The following AXIN2 variants were observed in gnomAD, a reference collection of about 807,000 sequenced individuals.
AXIN2 encodes the protein axin 2.
AXIN2 carries 21 observed loss-of-function variants against 74.7 expected under a neutral mutation model. That is an observed-to-expected ratio of 0.28 (90% confidence interval 0.20 to 0.40). The LOEUF (loss-of-function observed/expected upper bound fraction) is 0.40, where lower values mean the gene tolerates loss of function less well. Among genes scored for constraint, AXIN2 ranks in the 10% least tolerant of loss-of-function variants. The probability of loss-of-function intolerance (pLI) is 1.00; values close to 1 mark genes in which losing one functional copy is unlikely to be tolerated. For missense variants in AXIN2, 1,144 were observed against 1,111.1 expected (o/e 1.03, Z -0.42); for synonymous variants, 532 against 454.9 (o/e 1.17, Z -2.16).
rs1213236575 is a variant in AXIN2, at chr17:65,535,566, G to A, written c.2237+60C>T. On this transcript the variant is annotated intron_variant, in intron 9 of 10. Coordinates refer to ENST00000307078, the MANE Select transcript of AXIN2 (RefSeq NM_004655.4). ...TCATGAAAATGAAACTCCAGATAGC[G>A]AATATTCTGAAACATAAAGCACTCG... 22 of 1,519,428 alleles carry A rather than the reference G, an allele frequency of 1.4e-5. No individual in the cohort carries two copies. In the East Asian group the frequency reaches 1.6e-4, roughly 11 times the overall value. 94.1% of individuals were successfully genotyped at this position (1,519,428 alleles called of 1,614,324 possible).
At chr17:65,533,524 T>C (rs2043858035) in intron 10 of AXIN2, among the ~76,000 whole-genome samples, 1 of 152,192 alleles carries the variant, frequency 6.6e-6, no homozygotes, top group African/African-American at 2.4e-5. Flanking sequence ...TCAGTGTGCC[T>C]GTCCCTCTTT....
chr17:65,537,938 GTGTGCA>G, intron 5 of AXIN2, 103 bp from the exon 6 acceptor site: 1 of 1,445,748 alleles, frequency 6.9e-7, no homozygotes, highest in Non-Finnish European at 9.3e-7. Flanking sequence ...ACGCACACCC[GTGTGCA>G]CGCCCACAGC....
intron 7 of AXIN2, 97 bp from the exon 8 acceptor site, chr17:65,536,650 A>G: frequency 1.4e-6 from 2 of 1,434,256 alleles, no homozygotes; most frequent in Non-Finnish European, 1.9e-6. Context: ...TATTCTGCTC[A>G]GAGAGAGAGT....
chr17:65,551,716 G>A (rs1007487617), intron 2 of AXIN2, among the ~76,000 whole-genome samples: 4 of 152,156 alleles, frequency 2.6e-5, no homozygotes, highest in Non-Finnish European at 4.4e-5. Flanking sequence ...AAAAGTTACA[G>A]GGCCATAAAC....
rs2043785326 is a variant in AXIN2 at position 65,529,774 on chromosome 17, T to C, written c.*202A>G. On this transcript the variant is annotated 3_prime_UTR_variant, in exon 11 of 11. Coordinates refer to ENST00000307078, the MANE Select transcript of AXIN2 (RefSeq NM_004655.4). ...TAATAAATAGTTCAGGCTTTTCTTA[T>C]CTCAGTCAGTACCCAGCTCATGAAT... is the stretch of plus-strand genomic sequence containing the variant. 2 of 736,352 alleles carry C rather than the reference T, an allele frequency of 2.7e-6. No homozygotes were observed. Among genetic ancestry groups the C allele is most frequent in the African/African-American group, 1.8e-5 (1 of 56,416 alleles). 45.6% of individuals were successfully genotyped at this position (736,352 alleles called of 1,614,324 possible). A position where few individuals can be genotyped will look rare whatever the true frequency, so the allele number is the denominator to read the frequency against.
chr17:65,552,394 G>C (rs2044206288), intron 2 of AXIN2, among the ~76,000 whole-genome samples: 1 of 152,230 alleles, frequency 6.6e-6, no homozygotes, highest in Non-Finnish European at 1.5e-5. Flanking sequence ...CAGCCATCTG[G>C]GTGCGTAAGT....
intron 1 of AXIN2, chr17:65,560,542 CG>C: frequency 6.6e-6 from 1 of 152,274 alleles, no homozygotes; most frequent in Non-Finnish European, 1.5e-5. Flanking sequence ...ACGCGACCCC[CG>C]GGGGGTATCT....
rs1555577745 is a variant in AXIN2 at position 65,537,524 on chromosome 17, G to A, written c.1512C>T (p.Gly504=). 6.2e-7 allele frequency: 1 copy of A among 1,613,760 alleles called. No homozygotes were observed. Among genetic ancestry groups the A allele is most frequent in the Non-Finnish European group, 8.5e-7 (1 of 1,179,988 alleles). ...GCTTCGTCGTCTGCTTGGTCACAAA[G>A]CCTTTGCCCCCGAGGAGGGGGCAGG... ...PGACPLLGGK[G]FVTKQTTKHV... The change falls in exon 6 of 11, where the codon GGC becomes GGT. Residue 504 remains glycine (G), a synonymous_variant. Transcript: ENST00000307078.
At chr17:65,551,058 A>G (rs1045625954) in intron 2 of AXIN2, among the ~76,000 whole-genome samples, 1 of 152,216 alleles carries the variant, frequency 6.6e-6, no homozygotes, top group Non-Finnish European at 1.5e-5. Flanking sequence ...ACTGCCTCCC[A>G]ATACAAAGAC....
At chr17:65,538,046 C>G in intron 5 of AXIN2, 157 bp downstream of exon 5, 3 of 1,422,636 alleles carry the variant, frequency 2.1e-6, no homozygotes, top group African/African-American at 1.4e-5. Context: ...CATGCGCACA[C>G]AGCCCACGCC....
In AXIN2 at chr17:65,536,400, G is replaced by C; in HGVS notation, c.2061C>G (p.Pro687=). ...GAGCCAGCGTGTTGGGTGGGGTCAG[G>C]GGAGGCATCGCAGGGTCCTGGGTGA... ...HLFTQDPAMP[P]LTPPNTLAQL... is the part of the protein sequence containing the mutation. The change falls in exon 8 of 11, where the codon CCC becomes CCG. Residue 687 remains proline, a synonymous_variant. Transcript: ENST00000307078. 2.5e-6 allele frequency: 4 copies of C among 1,613,852 alleles called. No individual in the cohort carries two copies. Among genetic ancestry groups the C allele is most frequent in the Non-Finnish European group, 3.4e-6 (4 of 1,180,022 alleles).
chr17:65,546,377 C>T (rs2044119033), intron 3 of AXIN2, among the ~76,000 whole-genome samples: 2 of 152,192 alleles, frequency 1.3e-5, no homozygotes, highest in African/African-American at 4.8e-5. Context: ...GGTCTGATCC[C>T]AGCCCTGGGA....
intron 5 of AXIN2, 113 bp from the exon 6 acceptor site, chr17:65,537,948 C>G: frequency 4.2e-6 from 6 of 1,422,624 alleles, no homozygotes; most frequent in Non-Finnish European, 5.7e-6. Context: ...GTGTGCACGC[C>G]CACAGCCACG....
chr17:65,544,032 CAGT>C (rs2044081054), intron 3 of AXIN2, among the ~76,000 whole-genome samples: 1 of 152,106 alleles, frequency 6.6e-6, no homozygotes, highest in Non-Finnish European at 1.5e-5. Context: ...GGGACTTAGA[CAGT>C]GGATGACTCT....
rs1057522718 is a variant in AXIN2 at position 65,536,960 on chromosome 17, G to A, written c.1816C>T (p.Leu606=). ...TCTCCTTCCTCCCGGGGAAGCTGCA[G>A]GGCCCCAGCTCCGCCGGGGGCCCCT... is the stretch of plus-strand genomic sequence containing the variant. ...EGGAPGGAGA[L]QLPREEGDRS... Residue 606 remains leucine, a synonymous_variant, in exon 7 of 11, where the codon CTG becomes TTG. Coordinates refer to ENST00000307078, the MANE Select transcript of AXIN2 (RefSeq NM_004655.4). The A allele has an allele frequency of 6.2e-7, 1 of 1,613,430 alleles. No homozygotes were observed. Among genetic ancestry groups the A allele is most frequent in the African/African-American group, 1.3e-5 (1 of 75,042 alleles).
intron 2 of AXIN2, among the ~76,000 whole-genome samples, chr17:65,556,199 T>C (rs1473534961): frequency 6.6e-6 from 1 of 152,100 alleles, no homozygotes; most frequent in African/African-American, 2.4e-5. Flanking sequence ...CACTGTGCTA[T>C]TTACGAAGGT....
At chr17:65,538,098 A>ACGCGCATGCGCATGCAG in intron 5 of AXIN2, 105 bp downstream of exon 5, 1 of 1,565,728 alleles carries the variant, frequency 6.4e-7, no homozygotes, top group Non-Finnish European at 8.7e-7. Context: ...TGCGCATGCA[A>ACGCGCATGCGCATGCAG]CCCACGCACA....
At position 65,537,464 on chromosome 17, in the gene AXIN2, G is replaced by A. The variant is rs1567755682; in HGVS notation, c.1572C>T (p.Val524=). 1.2e-6 allele frequency: 2 copies of A among 1,614,002 alleles called. No individual in the cohort carries two copies. Among genetic ancestry groups the A allele is most frequent in the South Asian group, 1.1e-5 (1 of 91,086 alleles). ...CCTCGATCTCCTCCTTGGTCTTGGG[G>A]ACGGCATGGTGGTGGATGTAGTGGT... ...VHHHYIHHHA[V]PKTKEEIEAE... Residue 524 remains valine, a synonymous_variant, in exon 6 of 11, where the codon GTC becomes GTT. Transcript: ENST00000307078.
At chr17:65,530,124 G>C (rs1211992920) in intron 10 of AXIN2, 22 bp from the exon 11 acceptor site, 1 of 1,613,772 alleles carries the variant, frequency 6.2e-7, no homozygotes, top group South Asian at 1.1e-5. Flanking sequence ...AACCAAAAAA[G>C]CTTCTTGGTA....
Sources: gnomAD v4.1 joint callset for allele counts (sites outside exome capture counted in the v4.1 genomes callset) on GRCh38, gnomAD v4.1.1 for gene constraint, MANE v1.5 for transcripts, NCBI Gene and HGNC (gene_info 2026-07-23, HGNC 2026-07-21) for gene names.